Variants in HOXC10 observed in about 807,000 individuals in gnomAD.
HOXC10 encodes the protein homeobox C10.
In HOXC10, 15 loss-of-function variants were observed where a neutral mutation model predicts 26.0. The ratio of observed to expected loss-of-function variants is 0.58; its 90% CI spans 0.39 to 0.89. HOXC10 has a LOEUF of 0.89. Among genes scored for constraint, HOXC10 ranks in the 40% least tolerant of loss-of-function variants. The pLI is 0.00. For missense variants in HOXC10, 446 were observed against 451.9 expected, an observed-to-expected ratio of 0.99 and a Z score of 0.12; for synonymous variants, 196 against 185.5, an observed-to-expected ratio of 1.06 and a Z score of -0.46.
chr12:53,989,240 T>C lies in HOXC10; in HGVS notation c.823T>C (p.Tyr275His). The change falls in exon 2 of 2, where the codon TAT (tyrosine) becomes CAT (histidine). Residue 275 changes from tyrosine (Y) to histidine (H), a missense_variant. Tyr to His is a moderately conservative substitution (Grantham distance 83). Transcript: ENST00000303460. ...GAGCGGAAGGAAGAAGAGGTGCCCCTATACTAAACACCAGACGCTGGAATT... is the reference window on the plus strand; with the variant it reads ...GAGCGGAAGGAAGAAGAGGTGCCCCCATACTAAACACCAGACGCTGGAATT... ...AKSGRKKRCP[Y>H]TKHQTLELEK... The C allele has an allele frequency of 1.9e-6, 3 of 1,614,110 alleles. No individual in the cohort carries two copies. The highest frequency in any genetic ancestry group is 2.5e-6 in the Non-Finnish European group (3 of 1,179,948).
chr12:53,986,161 C>T (rs1939431548), intron 1 of HOXC10, 151 bp downstream of exon 1: 10 of 844,198 alleles, frequency 1.2e-5, no homozygotes, highest in African/African-American at 3.4e-5. Flanking sequence ...CCGCTGAGCT[C>T]CAGGCTGGTG....
Position 53,985,838 on chromosome 12 carries a change from G to C in HOXC10, c.579G>C (p.Gly193=). The change falls in exon 1 of 2, where the codon GGG becomes GGC. Residue 193 remains glycine, a synonymous_variant. Transcript: ENST00000303460. Reference sequence around the variant, plus strand: ...AACATCTGGAATCGCCTCAGCTGGGGGGCAAAGTGAGTTTCCCTGAGACCC... The same window carrying C: ...AACATCTGGAATCGCCTCAGCTGGGCGGCAAAGTGAGTTTCCCTGAGACCC... ...RAEHLESPQL[G]GKVSFPETPK... is the part of the protein sequence containing the mutation. 3 of 1,613,842 alleles carry C rather than the reference G, an allele frequency of 1.9e-6. No individual in the cohort carries two copies. Among genetic ancestry groups the C allele is most frequent in the Non-Finnish European group, 2.5e-6 (3 of 1,180,024 alleles).
rs1323653512 is a variant in HOXC10 at position 53,985,860 on chromosome 12, A to G, written c.601A>G (p.Thr201Ala). 1 of 1,613,316 alleles carries G rather than the reference A, an allele frequency of 6.2e-7. No homozygotes were observed. Among genetic ancestry groups the G allele is most frequent in the African/African-American group, 1.3e-5 (1 of 74,862 alleles). ...GGGGGGCAAAGTGAGTTTCCCTGAG[A>G]CCCCCAAGTCCGACAGCCAGACCCC... ...QLGGKVSFPE[T>A]PKSDSQTPSP... is the part of the protein sequence containing the mutation. Residue 201 changes from threonine (T) to alanine (A), a missense_variant, in exon 1 of 2, where the codon ACC (threonine) becomes GCC (alanine). Physicochemically the swap from Thr to Ala is moderately conservative, Grantham distance 58 (BLOSUM62 0). Transcript: ENST00000303460.
rs1484274730 is a variant in HOXC10, at chr12:53,985,536, G to C, written c.277G>C (p.Gly93Arg). 1 of 1,613,878 alleles carries C rather than the reference G, an allele frequency of 6.2e-7. No individual in the cohort carries two copies. Among genetic ancestry groups the C allele is most frequent in the South Asian group, 1.1e-5 (1 of 91,088 alleles). The change falls in exon 1 of 2, where the codon GGC becomes CGC. Residue 93 changes from glycine (G) to arginine (R), a missense_variant. Gly to Arg is a moderately radical substitution (Grantham distance 125). Transcript: ENST00000303460. ...KAAYRLEQPVGRPLSSCSYPP... is the reference protein window; with the variant it reads ...KAAYRLEQPVRRPLSSCSYPP... ...CGCCTATCGCCTGGAACAACCTGTT[G>C]GCAGGCCGCTGTCCTCCTGCTCCTA...
At chr12:53,988,079 A>G (rs955699036) in intron 1 of HOXC10, among the ~76,000 whole-genome samples, 3 of 152,216 alleles carry the variant, frequency 2.0e-5, no homozygotes, top group African/African-American at 4.8e-5. Context: ...GAGAGAGCTC[A>G]GAGCCATCAG....
chr12:53,985,183 C>G lies in HOXC10; in HGVS notation c.-77C>G, dbSNP rs1286176230. On this transcript the variant is annotated 5_prime_UTR_variant, in exon 1 of 2. Coordinates refer to ENST00000303460, the MANE Select transcript of HOXC10 (RefSeq NM_017409.4). ...CCTCCCTCCCCTCCAACCGCGCCCCCCCTCCCGGATGGGGAAAAAAAAAGA... is the reference window on the plus strand; with the variant it reads ...CCTCCCTCCCCTCCAACCGCGCCCCGCCTCCCGGATGGGGAAAAAAAAAGA... 14 of 1,345,238 alleles carry G rather than the reference C, an allele frequency of 1.0e-5. No individual in the cohort carries two copies. In the Admixed American group the frequency reaches 2.5e-4, roughly 24 times the overall value. 83.3% of individuals were successfully genotyped at this position (1,345,238 alleles called of 1,614,324 possible). A position where few individuals can be genotyped will look rare whatever the true frequency, so the allele number is the denominator to read the frequency against.
intron 1 of HOXC10, among the ~76,000 whole-genome samples, chr12:53,987,134 G>A (rs1432101404): frequency 6.6e-6 from 1 of 152,252 alleles, no homozygotes; most frequent in Admixed American, 6.5e-5. Flanking sequence ...ATTGGGTGTA[G>A]AGGAAGATGA....
At chr12:53,987,116 A>C (rs1319798905) in intron 1 of HOXC10, among the ~76,000 whole-genome samples, 1 of 152,216 alleles carries the variant, frequency 6.6e-6, no homozygotes. Context: ...ACAGTATATA[A>C]GGGGCTCATT....
chr12:53,985,418 C>G lies in HOXC10; in HGVS notation c.159C>G (p.Leu53=), dbSNP rs746157950. 4 of 1,612,940 alleles carry G rather than the reference C, an allele frequency of 2.5e-6. No homozygotes were observed. In the African/African-American group the frequency reaches 5.3e-5, roughly 22 times the overall value. The change falls in exon 1 of 2, where the codon CTC becomes CTG. Residue 53 remains leucine (L), a synonymous_variant. Coordinates refer to ENST00000303460, the MANE Select transcript of HOXC10 (RefSeq NM_017409.4). ...GGGGCTGCGGGCTCGCGCCCTCGCTCTCCAAGAGGGACGAGGGCAGCAGCC... is the reference window on the plus strand; with the variant it reads ...GGGGCTGCGGGCTCGCGCCCTCGCTGTCCAAGAGGGACGAGGGCAGCAGCC... ...VMRGCGLAPS[L]SKRDEGSSPS...
In HOXC10 at chr12:53,989,411, A is replaced by G. The variant is rs1298199789; in HGVS notation, c.994A>G (p.Ile332Val). 4 of 1,613,704 alleles carry G rather than the reference A, an allele frequency of 2.5e-6. No homozygotes were observed. Among genetic ancestry groups the G allele is most frequent in the African/African-American group, 2.7e-5 (2 of 74,880 alleles). Residue 332 changes from isoleucine to valine, a missense_variant, in exon 2 of 2, where the codon ATC becomes GTC. By Grantham distance (29) the Ile-to-Val change is conservative. Coordinates refer to ENST00000303460, the MANE Select transcript of HOXC10 (RefSeq NM_017409.4). Reference protein sequence around the residue: ...KLKKMNRENRIRELTSNFNFT With the variant: ...KLKKMNRENRVRELTSNFNFT ...CAAGAAAATGAACCGAGAGAATCGG[A>G]TCCGGGAACTGACCTCCAATTTTAA...
At position 53,985,567 on chromosome 12, in the gene HOXC10, C is replaced by T. The variant is rs571116188; in HGVS notation, c.308C>T (p.Pro103Leu). The T allele has an allele frequency of 6.2e-7, 1 of 1,613,912 alleles. No individual in the cohort carries two copies. The highest frequency in any genetic ancestry group is 1.1e-5 in the South Asian group (1 of 91,088). Residue 103 changes from proline (P) to leucine (L), a missense_variant, in exon 1 of 2, where the codon CCT becomes CTT. Transcript: ENST00000303460. ...GRPLSSCSYPPSVKEENVCCM... is the reference protein window; with the variant it reads ...GRPLSSCSYPLSVKEENVCCM... ...CCGCTGTCCTCCTGCTCCTACCCAC[C>T]TAGTGTCAAGGAGGAGAATGTCTGC...
Position 53,989,509 on chromosome 12 carries a change from C to G in HOXC10, c.*63C>G, listed in dbSNP as rs35616568. 6.7e-7 allele frequency: 1 copy of G among 1,489,606 alleles called. No homozygotes were observed. Among genetic ancestry groups the G allele is most frequent in the South Asian group, 1.3e-5 (1 of 75,106 alleles). 92.3% of individuals were successfully genotyped at this position (1,489,606 alleles called of 1,614,324 possible). On this transcript the variant is annotated 3_prime_UTR_variant, in exon 2 of 2. Coordinates refer to ENST00000303460, the MANE Select transcript of HOXC10 (RefSeq NM_017409.4). ...CTCCCCGCCCCTCCTCCCTTTGTGC[C>G]TGGTGATATATTTTTTTTTCCTCCC...
rs776640418 is a variant in HOXC10, at chr12:53,989,785, G to A, written c.*339G>A. On this transcript the variant is annotated 3_prime_UTR_variant, in exon 2 of 2. Transcript: ENST00000303460. ...TGCAAAGTTAAGATCGAATCCATCC[G>A]CTTGTAGGGGAAAAAAAGGAAAAAA... The A allele has an allele frequency of 7.7e-6, 2 of 258,976 alleles. No individual in the cohort carries two copies. Among genetic ancestry groups the A allele is most frequent in the Non-Finnish European group, 7.3e-6 (1 of 137,718 alleles). 16.0% of individuals were successfully genotyped at this position (258,976 alleles called of 1,614,324 possible).
At chr12:53,986,077 G>C (rs1046661682) in intron 1 of HOXC10, 67 bp downstream of exon 1, 7 of 1,474,892 alleles carry the variant, frequency 4.7e-6, no homozygotes, top group Admixed American at 4.8e-5. Context: ...GCCGGGGAGG[G>C]GGGCAGGGGA....
chr12:53,989,646 G>A lies in HOXC10; in HGVS notation c.*200G>A. 1.6e-6 allele frequency: 1 copy of A among 607,450 alleles called. No homozygotes were observed. Among genetic ancestry groups the A allele is most frequent in the East Asian group, 2.8e-5 (1 of 35,728 alleles). 37.6% of individuals were successfully genotyped at this position (607,450 alleles called of 1,614,324 possible). A position where few individuals can be genotyped will look rare whatever the true frequency, so the allele number is the denominator to read the frequency against. ...TTCCACTTAAAGCATGAGAAATGGGGTGCCGGGATGTGGGGTGTGGTGTGT... is the reference window on the plus strand; with the variant it reads ...TTCCACTTAAAGCATGAGAAATGGGATGCCGGGATGTGGGGTGTGGTGTGT... On this transcript the variant is annotated 3_prime_UTR_variant, in exon 2 of 2. Transcript: ENST00000303460.
Position 53,989,409 on chromosome 12 carries a change from G to C in HOXC10, c.992G>C (p.Arg331Pro). Reference protein sequence around the residue: ...MKLKKMNRENRIRELTSNFNF... With the variant: ...MKLKKMNRENPIRELTSNFNF... ...CTCAAGAAAATGAACCGAGAGAATC[G>C]GATCCGGGAACTGACCTCCAATTTT... Residue 331 changes from arginine (R) to proline (P), a missense_variant, in exon 2 of 2, where the codon CGG becomes CCG. Physicochemically the swap from Arg to Pro is moderately radical, Grantham distance 103. Transcript: ENST00000303460. 4 of 1,613,804 alleles carry C rather than the reference G, an allele frequency of 2.5e-6. No individual in the cohort carries two copies. Among genetic ancestry groups the C allele is most frequent in the Non-Finnish European group, 3.4e-6 (4 of 1,179,922 alleles).
rs774106744 is a variant in HOXC10 at position 53,989,903 on chromosome 12, AAG to A, written c.*458_*459del. ...TCCTTAGACTAATAGACGTTTTGGA[AAG>A]TTCGGCTAGTGTTCGTGTGTTTGTC... On this transcript the variant is annotated 3_prime_UTR_variant, in exon 2 of 2. Transcript: ENST00000303460. 11 of 157,538 alleles carry A rather than the reference AAG, an allele frequency of 7.0e-5. No individual in the cohort carries two copies. Among genetic ancestry groups the A allele is most frequent in the Non-Finnish European group, 1.3e-4 (9 of 71,304 alleles). The allele number at this position is 157,538 out of a possible 1,614,324, so 9.8% of individuals were successfully genotyped here. A position where few individuals can be genotyped will look rare whatever the true frequency, so the allele number is the denominator to read the frequency against.
chr12:53,987,221 C>A (rs1939451510), intron 1 of HOXC10, among the ~76,000 whole-genome samples: 3 of 152,194 alleles, frequency 2.0e-5, no homozygotes, highest in Admixed American at 1.3e-4. Context: ...CACACGCATG[C>A]CTACGGGCGA....
intron 1 of HOXC10, chr12:53,986,448 G>A (rs1162285232): frequency 6.3e-6 from 1 of 157,728 alleles, no homozygotes; most frequent in African/African-American, 2.4e-5. Context: ...TGGGGAGATG[G>A]GGGGAGTTCT....
Sources: allele counts gnomAD v4.1 joint callset (sites outside exome capture counted in the v4.1 genomes callset), GRCh38; gene constraint gnomAD v4.1.1; transcripts MANE v1.5; gene names NCBI Gene and HGNC (gene_info 2026-07-23, HGNC 2026-07-21).